SMARCD1: variants seen among roughly 807,000 people sequenced by gnomAD.
SMARCD1 encodes SWI/SNF-related matrix-associated actin-dependent regulator of chromatin subfamily D member 1.
In SMARCD1, 16 loss-of-function variants were observed where a neutral mutation model predicts 70.8. That is an observed-to-expected ratio of 0.23 (90% CI 0.15 to 0.34). SMARCD1 has a LOEUF of 0.34. Among genes scored for constraint, SMARCD1 ranks in the 10% least tolerant of loss-of-function variants. SMARCD1 has a pLI of 1.00. For missense variants in SMARCD1, 409 were observed against 655.5 expected, an observed-to-expected ratio of 0.62 and a Z score of 4.11; for synonymous variants, 249 against 246.0, an observed-to-expected ratio of 1.01 and a Z score of -0.11.
chr12:50,088,748 T>C (rs913932091), intron 6 of SMARCD1, 111 bp downstream of exon 6: 26 of 566,912 alleles, frequency 4.6e-5, no homozygotes, highest in Non-Finnish European at 6.3e-5. Context: ...ACTCTAGGTG[T>C]ACACAGTACC....
chr12:50,090,984 C>G (rs1298203645), intron 9 of SMARCD1, among the ~76,000 whole-genome samples: 1 of 152,028 alleles, frequency 6.6e-6, no homozygotes, highest in South Asian at 2.1e-4. Context: ...GTCACCACAC[C>G]TGGCTAATTT....
At chr12:50,086,377 AG>A in intron 2 of SMARCD1, 29 bp downstream of exon 2, 4 of 659,348 alleles carry the variant, frequency 6.1e-6, no homozygotes, top group Non-Finnish European at 1.1e-5. Context: ...AGAGGGAGGG[AG>A]GGAGGGAGCC....
At chr12:50,094,055 A>C (rs141924710) in intron 9 of SMARCD1, among the ~76,000 whole-genome samples, 409 of 152,298 alleles carry the variant, frequency 2.7e-3, no homozygotes, top group African/African-American at 9.1e-3. Context: ...CTGGCTGCCA[A>C]ATATTTTTTT....
At chr12:50,087,054 G>C (rs1950797939) in intron 4 of SMARCD1, 176 bp downstream of exon 4, 1 of 707,996 alleles carries the variant, frequency 1.4e-6, no homozygotes, top group South Asian at 1.9e-5. Flanking sequence ...AATGGCAAAG[G>C]GGGAGGGGCT....
rs537321427 is a variant in SMARCD1 at position 50,096,321 on chromosome 12, G to A, written c.1270-529G>A. On this transcript the variant is annotated intron_variant, in intron 10 of 12. Coordinates refer to ENST00000394963, the MANE Select transcript of SMARCD1 (RefSeq NM_003076.5). ...AGGAGCAGGTATTGGAGAAACGGTA[G>A]TGAGTTTAATGTCAAGTTTAAGCAG... Among the ~76,000 whole-genome samples the A allele has an allele frequency of 3.3e-5, 5 of 152,308 alleles. No homozygotes were observed. The East Asian group carries it at 7.7e-4, about 23-fold the overall frequency.
At position 50,098,866 on chromosome 12, in the gene SMARCD1, AC is replaced by A. The variant is rs1163310767; in HGVS notation, c.1494+55del. ...AATTGACAAAAGGCACGGGGTTTTCACCCCTGATGGGGGTCAGTGGTGTTAG... is the reference window on the plus strand; with the variant it reads ...AATTGACAAAAGGCACGGGGTTTTCACCCTGATGGGGGTCAGTGGTGTTAG... On this transcript the variant is annotated intron_variant, in intron 12 of 12. Transcript: ENST00000394963. 3 of 1,603,026 alleles carry A rather than the reference AC, an allele frequency of 1.9e-6. No homozygotes were observed. The South Asian group carries it at 3.3e-5, about 18-fold the overall frequency.
chr12:50,097,060 A>AG, intron 11 of SMARCD1, 88 bp downstream of exon 11: 2 of 1,347,624 alleles, frequency 1.5e-6, no homozygotes, highest in African/African-American at 2.9e-5. Flanking sequence ...GGAGACCCAG[A>AG]GGAAGGAGTG....
At position 50,099,068 on chromosome 12, in the gene SMARCD1, A is replaced by T; in HGVS notation, c.*68A>T. The T allele has an allele frequency of 2.0e-6, 3 of 1,477,640 alleles. No homozygotes were observed. Among genetic ancestry groups the T allele is most frequent in the Non-Finnish European group, 2.8e-6 (3 of 1,056,660 alleles). The allele number at this position is 1,477,640 out of a possible 1,614,324, so 91.5% of individuals were successfully genotyped here. A position where few individuals can be genotyped will look rare whatever the true frequency, so the allele number is the denominator to read the frequency against. On this transcript the variant is annotated 3_prime_UTR_variant, in exon 13 of 13. Transcript: ENST00000394963. ...TTGGGCCCTGTGCTGCCTGCCTCAT[A>T]GTATCTGCCTTGGTCTTGCTTGGGG... is the stretch of plus-strand genomic sequence containing the variant.
chr12:50,088,646 C>A lies in SMARCD1; in HGVS notation c.771+9C>A, dbSNP rs368838016. The A allele has an allele frequency of 2.8e-5, 40 of 1,408,298 alleles. No individual in the cohort carries two copies. The highest frequency in any genetic ancestry group is 1.2e-5 in the South Asian group (1 of 84,826). 87.2% of individuals were successfully genotyped at this position (1,408,298 alleles called of 1,614,324 possible). ...ACAACCATCTGGTAGAAGTGAGTAG[C>A]TCTGCCTTCTAGGCTTTGACTCTGA... On this transcript the variant is annotated intron_variant, in intron 6 of 12. Transcript: ENST00000394963.
Position 50,090,681 on chromosome 12 carries a change from A to G in SMARCD1, c.1133+91A>G, listed in dbSNP as rs1260202064. The G allele has an allele frequency of 1.0e-5, 9 of 861,248 alleles. No homozygotes were observed. The Admixed American group carries it at 1.8e-4, about 17-fold the overall frequency. The allele number at this position is 861,248 out of a possible 1,614,324, so 53.4% of individuals were successfully genotyped here. A position where few individuals can be genotyped will look rare whatever the true frequency, so the allele number is the denominator to read the frequency against. On this transcript the variant is annotated intron_variant, in intron 9 of 12. Transcript: ENST00000394963. ...TGTCAAATTTTCAGGAATTTTGCAA[A>G]CAGGTTGTTAAACACAACTGTTACA... is the stretch of plus-strand genomic sequence containing the variant.
intron 9 of SMARCD1, among the ~76,000 whole-genome samples, chr12:50,091,123 T>C (rs1950839784): frequency 6.6e-6 from 1 of 152,134 alleles, no homozygotes; most frequent in South Asian, 2.1e-4. Context: ...ATTACAGGCA[T>C]GAGCCACCGC....
intron 11 of SMARCD1, 37 bp downstream of exon 11, chr12:50,097,009 C>A: frequency 1.3e-6 from 2 of 1,572,884 alleles, no homozygotes; most frequent in South Asian, 2.3e-5. Context: ...GGACTTAGGT[C>A]AGTGAGGTGC....
Position 50,096,909 on chromosome 12 carries a change from C to A in SMARCD1, c.1329C>A (p.Ser443Arg). ...AGACTCAGCGGGAGTTCATGCTGAG[C>A]TTTGCCAGAGACCCTCAGGGTTTCA... ...QLKTQREFMLSFARDPQGFIN... is the reference protein window; with the variant it reads ...QLKTQREFMLRFARDPQGFIN... Residue 443 changes from serine (S) to arginine (R), a missense_variant, in exon 11 of 13, where the codon AGC becomes AGA. By Grantham distance (110) the Ser-to-Arg change is moderately radical (BLOSUM62 -1). Around this residue, in one of 2 missense-constraint regions of SMARCD1, gnomAD observed 269 missense variants for 498.6 expected, o/e 0.54. Coordinates refer to ENST00000394963, the MANE Select transcript of SMARCD1 (RefSeq NM_003076.5). The A allele has an allele frequency of 6.2e-7, 1 of 1,613,958 alleles. No individual in the cohort carries two copies. Among genetic ancestry groups the A allele is most frequent in the East Asian group, 2.2e-5 (1 of 44,878 alleles).
At chr12:50,098,640 A>G (rs1385471597) in intron 11 of SMARCD1, 74 bp from the exon 12 acceptor site, 1 of 1,185,370 alleles carries the variant, frequency 8.4e-7, no homozygotes, top group Non-Finnish European at 1.2e-6. Flanking sequence ...AATTTACCCA[A>G]TAATGGGTGT....
In SMARCD1 at chr12:50,086,808, A is replaced by G; in HGVS notation, c.461A>G (p.Glu154Gly). Residue 154 changes from glutamate (E) to glycine (G), a missense_variant, in exon 4 of 13, where the codon GAA (glutamate) becomes GGA (glycine). Transcript: ENST00000394963. ...SQAYMDLLAF[E>G]RKLDQTIMRK... ...GCCTATATGGATCTCTTGGCTTTTG[A>G]AAGGAAACTGGACCAGACTATCATG... The G allele has an allele frequency of 1.2e-6, 2 of 1,614,106 alleles. No homozygotes were observed. The highest frequency in any genetic ancestry group is 8.5e-7 in the Non-Finnish European group (1 of 1,180,000).
chr12:50,094,901 G>A (rs1432448269), intron 10 of SMARCD1, among the ~76,000 whole-genome samples: 5 of 151,828 alleles, frequency 3.3e-5, no homozygotes, highest in Admixed American at 1.3e-4. Flanking sequence ...GGGTTCAAGC[G>A]ATTCTCCTGC....
At chr12:50,088,403 T>C (rs1170331010) in intron 5 of SMARCD1, 118 bp from the exon 6 acceptor site, 1 of 702,098 alleles carries the variant, frequency 1.4e-6, no homozygotes, top group Admixed American at 2.3e-5. Flanking sequence ...TAAGAGATAT[T>C]CAGAAGATAT....
chr12:50,090,620 G>A (rs370021982), intron 9 of SMARCD1, 30 bp downstream of exon 9: 1 of 1,533,722 alleles, frequency 6.5e-7, no homozygotes. Flanking sequence ...GCAGTGCTGT[G>A]CCGGAGCTGC....
intron 4 of SMARCD1, 152 bp from the exon 5 acceptor site, chr12:50,087,211 C>T (rs987078645): frequency 7.3e-5 from 68 of 935,416 alleles, no homozygotes; most frequent in Middle Eastern, 6.2e-4. Flanking sequence ...GCCAGTACTC[C>T]TCTTCTAAAT....
Sources: gnomAD v4.1 joint callset for allele counts (sites outside exome capture counted in the v4.1 genomes callset) on GRCh38, gnomAD v4.1.1 for gene constraint, gnomAD v4.1.1 regional missense constraint, MANE v1.5 for transcripts, NCBI Gene and HGNC (gene_info 2026-07-23, HGNC 2026-07-21) for gene names.